Variants in SLC22A25 observed in about 807,000 individuals in gnomAD.
SLC22A25 encodes solute carrier family 22 member 25.
In SLC22A25, 44 loss-of-function variants were observed where a neutral mutation model predicts 45.9. The observed-to-expected ratio is 0.96, with a 90% CI of 0.75 to 1.23. The LOEUF is 1.23. Among genes scored for constraint, SLC22A25 ranks in the 50% most tolerant of loss-of-function variants. The pLI is 0.00. For missense variants in SLC22A25, 800 were observed against 666.4 expected (o/e 1.20, Z -2.21); for synonymous variants, 283 against 238.6 (o/e 1.19, Z -1.72).
chr11:63,201,911 G>A (rs948287746), intron 7 of SLC22A25, among the ~76,000 whole-genome samples: 1 of 152,184 alleles, frequency 6.6e-6, no homozygotes, highest in African/African-American at 2.4e-5. Context: ...CAATGCAGAA[G>A]GTGGGTGATT....
At chr11:63,239,183 A>G (rs1010551523) in intron 1 of SLC22A25, 48 bp from the exon 2 acceptor site, 2 of 152,274 alleles carry the variant, frequency 1.3e-5, no homozygotes, top group African/African-American at 2.4e-5. Flanking sequence ...AAAGAGAAAA[A>G]ATGTTTCCTT....
At position 63,215,473 on chromosome 11, in the gene SLC22A25, C is replaced by T. The variant is rs58364178; in HGVS notation, c.830+1841G>A. Among the ~76,000 whole-genome samples the T allele has an allele frequency of 2.6e-3, 395 of 152,174 alleles. 18 individuals carry two copies. The East Asian group carries it at 0.068, about 26-fold the overall frequency. The stretch of plus-strand genomic sequence containing the variant: ...GGGAGGGATAGCATTAGGAGAAATA[C>T]CTAATGTCAATGGTGGGTTGATGGG... On this transcript the variant is annotated intron_variant, in intron 7 of 11. Transcript: ENST00000306494.
chr11:63,164,624 G>T lies in SLC22A25; in HGVS notation c.1296C>A (p.Thr432=). 1 of 1,613,568 alleles carries T rather than the reference G, an allele frequency of 6.2e-7. No homozygotes were observed. Among genetic ancestry groups the T allele is most frequent in the Non-Finnish European group, 8.5e-7 (1 of 1,179,686 alleles). ...CCAGGGTTGCCAAAACCACACGCAG[G>T]GTCTGCATTTCTGGAGAAAGGAAGA... ...AIIFVPQEMQ[T]LRVVLATLGV... is the part of the protein sequence containing the mutation. The change falls in exon 11 of 12, where the codon ACC becomes ACA. Residue 432 remains threonine, a synonymous_variant. Transcript: ENST00000306494.
At chr11:63,180,259 T>C (rs1336602434) in intron 9 of SLC22A25, among the ~76,000 whole-genome samples, 1 of 152,144 alleles carries the variant, frequency 6.6e-6, no homozygotes, top group Non-Finnish European at 1.5e-5. Context: ...GTTTTAGAAT[T>C]TTTTCTATAC....
At chr11:63,197,723 T>C (rs909379966) in intron 7 of SLC22A25, among the ~76,000 whole-genome samples, 1 of 152,116 alleles carries the variant, frequency 6.6e-6, no homozygotes, top group Non-Finnish European at 1.5e-5. Flanking sequence ...AATTGACAAA[T>C]GGCATCTAAG....
chr11:63,232,008 C>A (rs2090077673), intron 3 of SLC22A25, among the ~76,000 whole-genome samples: 1 of 152,114 alleles, frequency 6.6e-6, no homozygotes, highest in Non-Finnish European at 1.5e-5. Context: ...GTTTTGGTAC[C>A]AGTACCATGC....
chr11:63,206,977 C>T (rs746524309), intron 7 of SLC22A25, among the ~76,000 whole-genome samples: 3 of 152,174 alleles, frequency 2.0e-5, no homozygotes, highest in Non-Finnish European at 4.4e-5. Flanking sequence ...AATAATTTCA[C>T]ACATCCACAA....
At chr11:63,230,493 T>C (rs1269944121) in intron 3 of SLC22A25, among the ~76,000 whole-genome samples, 1 of 152,230 alleles carries the variant, frequency 6.6e-6, no homozygotes, top group Non-Finnish European at 1.5e-5. Flanking sequence ...AATCTGATAT[T>C]GTAAATATTA....
At chr11:63,231,900 C>CA (rs1162197150) in intron 3 of SLC22A25, among the ~76,000 whole-genome samples, 2 of 152,140 alleles carry the variant, frequency 1.3e-5, no homozygotes, top group African/African-American at 4.8e-5. Flanking sequence ...ATCCTTTCCC[C>CA]ATTTCTTGTT....
chr11:63,215,620 C>T (rs1001798418), intron 7 of SLC22A25, among the ~76,000 whole-genome samples: 4 of 151,928 alleles, frequency 2.6e-5, no homozygotes, highest in African/African-American at 9.7e-5. Context: ...AGACACTTTT[C>T]TTTTTTTAAT....
intron 9 of SLC22A25, among the ~76,000 whole-genome samples, chr11:63,170,735 G>A (rs1255509966): frequency 6.6e-6 from 1 of 151,290 alleles, no homozygotes; most frequent in Middle Eastern, 3.2e-3. Context: ...TCCCAGAGGT[G>A]CAAAGAGGAG....
chr11:63,179,117 C>T (rs961163425), intron 9 of SLC22A25, among the ~76,000 whole-genome samples: 16 of 151,900 alleles, frequency 1.1e-4, no homozygotes, highest in Admixed American at 2.6e-4. Context: ...CCATGATGCC[C>T]GGCTAATTTT....
chr11:63,208,489 C>G (rs1300800), intron 7 of SLC22A25, among the ~76,000 whole-genome samples: 152,201 of 152,268 alleles, frequency 1, 76,068 homozygotes, highest in Non-Finnish European at 1. Context: ...GGAGTGTGTG[C>G]GTGCATGTAA....
rs373702229 is a variant in SLC22A25, at chr11:63,233,678, G to C, written c.-444-3582C>G. ...TTAGTTATTTCTTGCCTTCTGCTAG[G>C]TTTTGAATGTGTTTGCTCTTGCTTC... On this transcript the variant is annotated intron_variant, in intron 3 of 11. Transcript: ENST00000306494. 2.5e-3 allele frequency among the ~76,000 whole-genome samples: 374 copies of C among 151,962 alleles called. 1 individual carries two copies. Among genetic ancestry groups the C allele is most frequent in the African/African-American group, 8.3e-3 (343 of 41,424 alleles).
In SLC22A25 at chr11:63,228,522, T is replaced by A; in HGVS notation, c.445A>T (p.Lys149Ter). 6.2e-7 allele frequency: 1 copy of A among 1,613,872 alleles called. No individual in the cohort carries two copies. Among genetic ancestry groups the A allele is most frequent in the Non-Finnish European group, 8.5e-7 (1 of 1,179,900 alleles). ...CESQPLNSVA[K>*]FLFMAGMMVG... is the part of the protein sequence containing the mutation. The stretch of plus-strand genomic sequence containing the variant: ...ATCATTCCAGCCATGAATAGAAATT[T>A]AGCTACTGAATTCAGTGGTTGAGAT... The change falls in exon 5 of 12, where the codon AAA (lysine) becomes TAA (stop). Residue 149 changes from lysine to a stop codon, truncating the protein, a stop_gained. Coordinates refer to ENST00000306494, the MANE Select transcript of SLC22A25 (RefSeq NM_199352.6). LOFTEE classifies it high-confidence loss of function.
At chr11:63,193,803 G>A (rs534045208) in intron 7 of SLC22A25, among the ~76,000 whole-genome samples, 5 of 152,342 alleles carry the variant, frequency 3.3e-5, no homozygotes, top group South Asian at 4.1e-4. Flanking sequence ...AAAGCTGGAC[G>A]GAGGTGACTT....
At position 63,163,925 on chromosome 11, in the gene SLC22A25, G is replaced by A; in HGVS notation, c.1543C>T (p.Leu515Phe). 6.2e-7 allele frequency: 1 copy of A among 1,613,924 alleles called. No individual in the cohort carries two copies. The highest frequency in any genetic ancestry group is 8.5e-7 in the Non-Finnish European group (1 of 1,179,920). The change falls in exon 12 of 12, where the codon CTT (leucine) becomes TTT (phenylalanine). Residue 515 changes from leucine (L) to phenylalanine (F), a missense_variant. Physicochemically the swap from Leu to Phe is conservative, Grantham distance 22. Coordinates refer to ENST00000306494, the MANE Select transcript of SLC22A25 (RefSeq NM_199352.6). The part of the protein sequence containing the change: ...AILSGLVVLL[L>F]PETRNQPLLD... ...AGAGGCTGGTTCCTGGTTTCAGGAA[G>A]GAGGAGGACAACAAGGCCAGAGAGG... is the stretch of plus-strand genomic sequence containing the variant.
intron 3 of SLC22A25, among the ~76,000 whole-genome samples, chr11:63,234,439 A>T (rs1346386533): frequency 6.6e-6 from 1 of 152,100 alleles, no homozygotes; most frequent in Non-Finnish European, 1.5e-5. Context: ...AGTCTGTTTT[A>T]TCAGAGACTA....
At chr11:63,228,247 A>T (rs1315722022) in intron 5 of SLC22A25, among the ~76,000 whole-genome samples, 2 of 152,176 alleles carry the variant, frequency 1.3e-5, no homozygotes, top group Non-Finnish European at 2.9e-5. Flanking sequence ...CCCAGGTCAG[A>T]TGGAGATGAA....
Sources: allele counts gnomAD v4.1 joint callset (sites outside exome capture counted in the v4.1 genomes callset), GRCh38; gene constraint gnomAD v4.1.1; transcripts MANE v1.5; gene names NCBI Gene and HGNC (gene_info 2026-07-23, HGNC 2026-07-21).